The following GLB1L2 variants were observed in gnomAD, a reference collection of about 807,000 sequenced individuals.
GLB1L2 encodes the protein beta-galactosidase-1-like protein 2.
Under a neutral mutation model 84.1 loss-of-function variants are expected in GLB1L2, and 68 were observed. The observed-to-expected ratio is 0.81, with a 90% CI of 0.67 to 0.99. GLB1L2 has a LOEUF of 0.99. GLB1L2 is among the 50% of genes least tolerant of loss of function. GLB1L2 has a pLI of 0.00. For missense variants in GLB1L2, 762 were observed against 805.6 expected, an observed-to-expected ratio of 0.95 and a Z score of 0.66; for synonymous variants, 290 against 318.0, an observed-to-expected ratio of 0.91 and a Z score of 0.94.
chr11:134,344,317 A>G (rs746551775), intron 2 of GLB1L2, 70 bp from the exon 3 acceptor site: 28 of 1,578,924 alleles, frequency 1.8e-5, no homozygotes, highest in African/African-American at 2.7e-5. Context: ...TTTGGGCTAA[A>G]GAAGGTAATG....
At chr11:134,343,918 C>T (rs759967204) in intron 2 of GLB1L2, among the ~76,000 whole-genome samples, 5 of 152,200 alleles carry the variant, frequency 3.3e-5, no homozygotes, top group Non-Finnish European at 5.9e-5. Context: ...ATCCATGAGT[C>T]GTCCCTTCCG....
At chr11:134,355,717 T>G (rs1217082940) in intron 5 of GLB1L2, among the ~76,000 whole-genome samples, 1 of 152,236 alleles carries the variant, frequency 6.6e-6, no homozygotes, top group Non-Finnish European at 1.5e-5. Context: ...TTTATAGTCC[T>G]CTGGCAGCTT....
intron 7 of GLB1L2, chr11:134,360,759 C>T (rs549914259): frequency 6.6e-6 from 1 of 152,110 alleles, no homozygotes; most frequent in South Asian, 2.1e-4. Flanking sequence ...TCGTTACATT[C>T]TCCAGAAATG....
rs745627447 is a variant in GLB1L2 at position 134,374,136 on chromosome 11, T to C, written c.1596-9T>C. 6.9e-6 allele frequency: 11 copies of C among 1,598,352 alleles called. No homozygotes were observed. In the South Asian group the frequency reaches 1.2e-4, roughly 18 times the overall value. Reference sequence around the variant, plus strand: ...CTCCTCCCTCTCCTTCTCTGTGTTCTGTCCTTAGGTTCGGCCTGGACAAAT... The same window carrying C: ...CTCCTCCCTCTCCTTCTCTGTGTTCCGTCCTTAGGTTCGGCCTGGACAAAT... On this transcript the variant is annotated splice_polypyrimidine_tract_variant and intron_variant, in intron 16 of 18. Coordinates refer to ENST00000535456, the MANE Select transcript of GLB1L2 (RefSeq NM_001370461.1).
intron 15 of GLB1L2, among the ~76,000 whole-genome samples, chr11:134,373,504 T>C (rs1321851442): frequency 6.6e-6 from 1 of 152,158 alleles, no homozygotes; most frequent in Non-Finnish European, 1.5e-5. Context: ...AGGGTCTTCC[T>C]CCTTCCCGTC....
chr11:134,357,745 G>A (rs1943723349), intron 6 of GLB1L2, among the ~76,000 whole-genome samples: 1 of 152,222 alleles, frequency 6.6e-6, no homozygotes, highest in African/African-American at 2.4e-5. Context: ...TCTGTGGTCC[G>A]GAAGCTCTTG....
At chr11:134,358,135 T>C (rs1025039236) in intron 6 of GLB1L2, among the ~76,000 whole-genome samples, 1 of 152,222 alleles carries the variant, frequency 6.6e-6, no homozygotes, top group Admixed American at 6.5e-5. Flanking sequence ...TCGCTGTCTA[T>C]CCACTTCCAA....
chr11:134,343,362 C>T (rs768076531), intron 2 of GLB1L2, among the ~76,000 whole-genome samples: 1 of 152,184 alleles, frequency 6.6e-6, no homozygotes, highest in Non-Finnish European at 1.5e-5. Flanking sequence ...TCTTAGAATG[C>T]TGTGGTTGCC....
chr11:134,343,436 A>G (rs1023477617), intron 2 of GLB1L2, among the ~76,000 whole-genome samples: 11 of 152,174 alleles, frequency 7.2e-5, no homozygotes, highest in Admixed American at 7.2e-4. Flanking sequence ...GAACTTGCAA[A>G]TCATTTATAA....
chr11:134,348,569 CAT>C (rs1182736306), intron 5 of GLB1L2, among the ~76,000 whole-genome samples: 1 of 152,146 alleles, frequency 6.6e-6, no homozygotes, highest in African/African-American at 2.4e-5. Context: ...TAAATAATCA[CAT>C]AGTTATTTAA....
At chr11:134,367,396 G>A (rs1943880236) in intron 9 of GLB1L2, 55 bp downstream of exon 9, 1 of 1,449,454 alleles carries the variant, frequency 6.9e-7, no homozygotes, top group Admixed American at 1.7e-5. Context: ...AAGTGAGGAT[G>A]AGTTTCAGTC....
chr11:134,363,513 G>A (rs1156690342), intron 7 of GLB1L2, among the ~76,000 whole-genome samples: 3 of 152,178 alleles, frequency 2.0e-5, no homozygotes, highest in Non-Finnish European at 2.9e-5. Flanking sequence ...GGCATGCCCG[G>A]GTGTCAGCCA....
At chr11:134,350,568 G>A (rs1943613105) in intron 5 of GLB1L2, among the ~76,000 whole-genome samples, 1 of 152,206 alleles carries the variant, frequency 6.6e-6, no homozygotes, top group Non-Finnish European at 1.5e-5. Context: ...TTGGTGATAT[G>A]AAGTTAAAAC....
intron 17 of GLB1L2, 92 bp from the exon 18 acceptor site, chr11:134,374,510 C>A: frequency 1.9e-6 from 2 of 1,031,662 alleles, no homozygotes; most frequent in Non-Finnish European, 3.0e-6. Context: ...TCGCTTTGGT[C>A]TCCTGGACCT....
At chr11:134,358,578 C>T (rs1049354838) in intron 6 of GLB1L2, among the ~76,000 whole-genome samples, 23 of 152,286 alleles carry the variant, frequency 1.5e-4, no homozygotes, top group African/African-American at 4.1e-4. Flanking sequence ...ATGGTGGGCC[C>T]TCCTGGGCCT....
chr11:134,356,456 T>C (rs1591618017), intron 6 of GLB1L2, 63 bp downstream of exon 6: 1 of 1,141,824 alleles, frequency 8.8e-7, no homozygotes, highest in Non-Finnish European at 1.3e-6. Flanking sequence ...TAGGCTGTGG[T>C]GTGACATGTG....
chr11:134,357,337 C>T (rs1486073027), intron 6 of GLB1L2, among the ~76,000 whole-genome samples: 1 of 152,244 alleles, frequency 6.6e-6, no homozygotes, highest in African/African-American at 2.4e-5. Context: ...GCGTACTCTT[C>T]CCCCTTCTCA....
intron 2 of GLB1L2, among the ~76,000 whole-genome samples, chr11:134,343,687 G>A (rs918970313): frequency 1.3e-5 from 2 of 152,156 alleles, no homozygotes; most frequent in Admixed American, 6.5e-5. Flanking sequence ...CAACTTCCCC[G>A]AAAGGACTCC....
intron 18 of GLB1L2, 41 bp from the exon 19 acceptor site, chr11:134,374,931 C>T: frequency 6.3e-7 from 1 of 1,582,704 alleles, no homozygotes; most frequent in Non-Finnish European, 8.6e-7. Flanking sequence ...GGCTCCAGGA[C>T]AGACGTCAGC....
Sources: gnomAD v4.1 joint callset for allele counts (sites outside exome capture counted in the v4.1 genomes callset) on GRCh38, gnomAD v4.1.1 for gene constraint, MANE v1.5 for transcripts, NCBI Gene and HGNC (gene_info 2026-07-23, HGNC 2026-07-21) for gene names.